ERMARD: variants seen among roughly 807,000 people sequenced by gnomAD.
ERMARD encodes ER membrane associated RNA degradation.
A neutral mutation model predicts 83.9 loss-of-function variants in ERMARD; 71 were observed. That is an observed-to-expected ratio of 0.85 (90% CI 0.70 to 1.03). The LOEUF (loss-of-function observed/expected upper bound fraction) is 1.03. Ranked by LOEUF, ERMARD falls within the 50% of genes least tolerant of loss-of-function variation. ERMARD has a pLI of 0.00. For synonymous variants in ERMARD, 284 were observed against 298.6 expected (o/e 0.95, Z 0.50); for missense variants, 838 against 810.9 (o/e 1.03, Z -0.41).
At chr6:169,763,334 G>A (rs1331775452) in intron 9 of ERMARD, among the ~76,000 whole-genome samples, 3 of 152,120 alleles carry the variant, frequency 2.0e-5, no homozygotes, top group African/African-American at 7.2e-5. Context: ...CCAGTGATGA[G>A]GGCCAGGCCT....
rs561148889 is a variant in ERMARD, at chr6:169,759,984, A to G, written c.742+10A>G. The G allele has an allele frequency of 4.6e-5, 75 of 1,613,946 alleles. No homozygotes were observed. The highest frequency in any genetic ancestry group is 3.8e-4 in the East Asian group (17 of 44,896). On this transcript the variant is annotated intron_variant, in intron 7 of 17. Transcript: ENST00000366773. The stretch of plus-strand genomic sequence containing the variant: ...TTGATTGTTTTTCCTGGTAAGTACT[A>G]TGTTTCACATTTTTCCTTATAGCTT...
chr6:169,759,169 G>C, intron 6 of ERMARD, 104 bp downstream of exon 6: 4 of 984,588 alleles, frequency 4.1e-6, no homozygotes. Context: ...AAAGATAAGT[G>C]AGTTTTGAGA....
intron 17 of ERMARD, 93 bp from the exon 18 acceptor site, chr6:169,781,237 T>A: frequency 8.4e-7 from 1 of 1,197,138 alleles, no homozygotes; most frequent in Non-Finnish European, 1.1e-6. Flanking sequence ...TGCAGTTTAC[T>A]TTAGGAATAA....
At chr6:169,776,749 T>A in intron 16 of ERMARD, 76 bp downstream of exon 16, 2 of 1,525,226 alleles carry the variant, frequency 1.3e-6, no homozygotes, top group Non-Finnish European at 1.8e-6. Flanking sequence ...TAGTCCTCAC[T>A]TCCAGACACA....
chr6:169,770,989 A>G (rs1450035518), intron 12 of ERMARD: 2 of 151,696 alleles, frequency 1.3e-5, no homozygotes, highest in Non-Finnish European at 2.9e-5. Context: ...ATTTGGAGTC[A>G]TTCTGAAAAG....
At position 169,766,676 on chromosome 6, in the gene ERMARD, G is replaced by A. The variant is rs1238408077; in HGVS notation, c.990+9G>A. 1.3e-6 allele frequency: 2 copies of A among 1,569,118 alleles called. No individual in the cohort carries two copies. The highest frequency in any genetic ancestry group is 1.7e-6 in the Non-Finnish European group (2 of 1,167,418). On this transcript the variant is annotated intron_variant, in intron 10 of 17. Coordinates refer to ENST00000366773, the MANE Select transcript of ERMARD (RefSeq NM_018341.3). ...ATACCACCTTTGATCAAGTAAGTAA[G>A]TAAACTTGTAAGGTAACTTGAAACA... is the stretch of plus-strand genomic sequence containing the variant.
intron 12 of ERMARD, 96 bp from the exon 13 acceptor site, chr6:169,773,220 GATA>G (rs1793181821): frequency 1.1e-6 from 1 of 922,900 alleles, no homozygotes; most frequent in Non-Finnish European, 1.7e-6. Flanking sequence ...TTTGAAGAAA[GATA>G]ATGAGAAATG....
intron 11 of ERMARD, 53 bp from the exon 12 acceptor site, chr6:169,769,487 G>A (rs886716912): frequency 1.9e-5 from 29 of 1,501,450 alleles, no homozygotes; most frequent in African/African-American, 1.1e-4. Flanking sequence ...CACCAGGCAC[G>A]TCTCTCTGCT....
intron 16 of ERMARD, among the ~76,000 whole-genome samples, chr6:169,778,652 A>G (rs1793862315): frequency 1.3e-5 from 2 of 152,230 alleles, no homozygotes; most frequent in Non-Finnish European, 2.9e-5. Context: ...AGCAGTTTAT[A>G]AGACAAGGTC....
intron 12 of ERMARD, among the ~76,000 whole-genome samples, chr6:169,770,159 CAGTT>C (rs1792727929): frequency 6.6e-6 from 1 of 151,934 alleles, no homozygotes; most frequent in African/African-American, 2.4e-5. Flanking sequence ...ATACATGTGA[CAGTT>C]ATTTTAAAAA....
In ERMARD at chr6:169,773,409, CA is replaced by C; in HGVS notation, c.1317+10del. The C allele has an allele frequency of 6.2e-7, 1 of 1,613,944 alleles. No individual in the cohort carries two copies. Among genetic ancestry groups the C allele is most frequent in the Non-Finnish European group, 8.5e-7 (1 of 1,179,882 alleles). On this transcript the variant is annotated splice_region_variant and intron_variant, in intron 13 of 17. Transcript: ENST00000366773. ...TTTTCAGCTTAAAAAACAGGTATGC[CA>C]AATGCAGGGTCCCGGGAGGGGCGTG...
intron 11 of ERMARD, among the ~76,000 whole-genome samples, chr6:169,769,084 A>G (rs2128356357): frequency 6.6e-6 from 1 of 152,342 alleles, no homozygotes; most frequent in South Asian, 2.1e-4. Context: ...GCGGTTTGCC[A>G]AGGGCAGCAG....
intron 3 of ERMARD, 63 bp downstream of exon 3, chr6:169,755,485 T>A: frequency 6.3e-7 from 1 of 1,580,458 alleles, no homozygotes. Flanking sequence ...GAGGACGTAC[T>A]ATTTGCCAAT....
At chr6:169,756,576 C>G in intron 4 of ERMARD, 137 bp downstream of exon 4, 2 of 961,102 alleles carry the variant, frequency 2.1e-6, no homozygotes, top group East Asian at 2.6e-5. Context: ...TAATATTTCC[C>G]TTTTGAATGA....
intron 9 of ERMARD, among the ~76,000 whole-genome samples, chr6:169,764,781 A>G (rs1791993438): frequency 6.6e-6 from 1 of 152,006 alleles, no homozygotes; most frequent in Admixed American, 6.5e-5. Flanking sequence ...CAGCTCCAGA[A>G]CTTGCTTGTC....
rs914689662 is a variant in ERMARD, at chr6:169,755,379, A to G, written c.272A>G (p.Glu91Gly). 1.9e-6 allele frequency: 3 copies of G among 1,614,066 alleles called. No homozygotes were observed. The highest frequency in any genetic ancestry group is 2.5e-6 in the Non-Finnish European group (3 of 1,180,046). The change falls in exon 3 of 18, where the codon GAA becomes GGA. Residue 91 changes from glutamate to glycine, a missense_variant. Physicochemically the swap from Glu to Gly is moderately conservative, Grantham distance 98. Coordinates refer to ENST00000366773, the MANE Select transcript of ERMARD (RefSeq NM_018341.3). ...HFLSLTKGQF[E>G]IRYAPWFQWT... ...TTATCTCTGACCAAGGGGCAATTTG[A>G]AATTCGATATGCACCGTGGTTCCAG...
intron 16 of ERMARD, among the ~76,000 whole-genome samples, chr6:169,777,725 T>C (rs1416357969): frequency 6.6e-6 from 1 of 152,042 alleles, no homozygotes; most frequent in Non-Finnish European, 1.5e-5. Flanking sequence ...CAGGTGGTGG[T>C]TAAATGAGGC....
At chr6:169,772,842 C>T (rs1002027486) in intron 12 of ERMARD, among the ~76,000 whole-genome samples, 22 of 150,274 alleles carry the variant, frequency 1.5e-4, no homozygotes, top group Admixed American at 9.9e-4. Context: ...AATTCACTGA[C>T]TTTGTTTCTC....
intron 17 of ERMARD, 101 bp from the exon 18 acceptor site, chr6:169,781,229 C>T (rs1794163525): frequency 4.0e-6 from 4 of 1,005,948 alleles, no homozygotes; most frequent in East Asian, 2.9e-5. Context: ...AAATTAACTG[C>T]AGTTTACTTT....
Sources: gnomAD v4.1 joint callset for allele counts (sites outside exome capture counted in the v4.1 genomes callset) on GRCh38, gnomAD v4.1.1 for gene constraint, MANE v1.5 for transcripts, NCBI Gene and HGNC (gene_info 2026-07-23, HGNC 2026-07-21) for gene names.